SNAPC3: variants seen among roughly 807,000 people sequenced by gnomAD.
The protein encoded by SNAPC3 is small nuclear RNA activating complex polypeptide 3, also known as snRNA-activating protein complex subunit 3.
SNAPC3 carries 56 observed loss-of-function variants against 47.7 expected under a neutral mutation model. The observed-to-expected ratio is 1.18, with a 90% CI of 0.95 to 1.47. SNAPC3 has a LOEUF of 1.47. Ranked by LOEUF, SNAPC3 falls within the 40% of genes most tolerant of loss-of-function variation. The pLI is 0.00. For missense variants in SNAPC3, 665 were observed against 511.3 expected (o/e 1.30, Z -2.90); for synonymous variants, 235 against 189.9 (o/e 1.24, Z -1.95).
At chr9:15,457,896 G>C (rs1002951811) in intron 7 of SNAPC3, 64 bp from the exon 8 acceptor site, 1 of 881,508 alleles carries the variant, frequency 1.1e-6, no homozygotes, top group African/African-American at 1.8e-5. Context: ...ATATTTAATA[G>C]CTCATAAAAA....
chr9:15,432,209 G>A (rs2032249346), intron 2 of SNAPC3, among the ~76,000 whole-genome samples: 1 of 152,174 alleles, frequency 6.6e-6, no homozygotes, highest in Non-Finnish European at 1.5e-5. Flanking sequence ...AATGAATCCT[G>A]TGGTTTTAGT....
At chr9:15,431,741 C>T (rs911343870) in intron 2 of SNAPC3, among the ~76,000 whole-genome samples, 26 of 151,832 alleles carry the variant, frequency 1.7e-4, no homozygotes, top group African/African-American at 5.8e-4. Context: ...TGTAATCAGA[C>T]AATTAAAACC....
downstream of SNAPC3, chr9:15,464,647 T>C (rs991843217): frequency 5.0e-6 from 1 of 198,742 alleles, no homozygotes; most frequent in African/African-American, 2.3e-5. Flanking sequence ...TTTCTTCCAA[T>C]TAAGTTTTAG....
rs1303445712 is a variant in SNAPC3 at position 15,460,069 on chromosome 9, A to C, written c.*203A>C. On this transcript the variant is annotated 3_prime_UTR_variant, in exon 9 of 9. Transcript: ENST00000380821. ...CATAGTTTAATTTTATATTTATTCC[A>C]GATAGTATTTAATTTAGTGCTTTTT... The C allele has an allele frequency of 5.0e-6, 2 of 400,716 alleles. No individual in the cohort carries two copies. Among genetic ancestry groups the C allele is most frequent in the African/African-American group, 4.1e-5 (2 of 48,820 alleles). 24.8% of individuals were successfully genotyped at this position (400,716 alleles called of 1,614,324 possible). A position where few individuals can be genotyped will look rare whatever the true frequency, so the allele number is the denominator to read the frequency against.
chr9:15,447,731 G>A (rs537705811), intron 5 of SNAPC3, among the ~76,000 whole-genome samples: 1 of 152,234 alleles, frequency 6.6e-6, no homozygotes, highest in East Asian at 1.9e-4. Context: ...TGTCATGATT[G>A]TGCCCAGCAA....
Position 15,423,014 on chromosome 9 carries a change from C to T in SNAPC3, c.135C>T (p.Gly45=). Residue 45 remains glycine (G), a synonymous_variant, in exon 1 of 9, where the codon GGC becomes GGT. Coordinates refer to ENST00000380821, the MANE Select transcript of SNAPC3 (RefSeq NM_001039697.2). Reference sequence around the variant, plus strand: ...TAAATACGCGCGCTTTCCATGTGGGCGCCTTTGGGGAGCTGTGGCGGGGCC... The same window carrying T: ...TAAATACGCGCGCTTTCCATGTGGGTGCCTTTGGGGAGCTGTGGCGGGGCC... The part of the protein sequence containing the change: ...PELNTRAFHV[G]AFGELWRGRL... 6.5e-7 allele frequency: 1 copy of T among 1,544,192 alleles called. No individual in the cohort carries two copies.
At chr9:15,466,318 G>C (rs1319072988), downstream of SNAPC3, among the ~76,000 whole-genome samples, 1 of 152,236 alleles carries the variant, frequency 6.6e-6, no homozygotes, top group East Asian at 1.9e-4. Context: ...AGTGGAGGTT[G>C]CAGTGAGCAC....
chr9:15,431,040 T>C (rs1403288283), intron 2 of SNAPC3, among the ~76,000 whole-genome samples: 1 of 152,202 alleles, frequency 6.6e-6, no homozygotes, highest in Non-Finnish European at 1.5e-5. Flanking sequence ...GAGAGACTTC[T>C]CAGGAGTCTC....
intron 6 of SNAPC3, among the ~76,000 whole-genome samples, chr9:15,451,969 T>G (rs996849196): frequency 1.7e-4 from 8 of 47,982 alleles, no homozygotes; most frequent in Non-Finnish European, 6.6e-4. Flanking sequence ...GTTGCCCTTT[T>G]TAAAAAAAAA....
Position 15,457,976 on chromosome 9 carries a change from G to A in SNAPC3, c.997G>A (p.Asp333Asn). The change falls in exon 8 of 9, where the codon GAC becomes AAC. Residue 333 changes from aspartate to asparagine, a missense_variant. Asp to Asn is a conservative substitution (Grantham distance 23). Coordinates refer to ENST00000380821, the MANE Select transcript of SNAPC3 (RefSeq NM_001039697.2). ...ITDIRLVHHDDCLDRTLYPLL... is the reference protein window; with the variant it reads ...ITDIRLVHHDNCLDRTLYPLL... ...GAACAAAAGGCTTGTGCATCATGAT[G>A]ACTGCTTGGATAGGACATTGTATCC... 1 of 1,582,074 alleles carries A rather than the reference G, an allele frequency of 6.3e-7. No homozygotes were observed. Among genetic ancestry groups the A allele is most frequent in the Non-Finnish European group, 8.6e-7 (1 of 1,168,338 alleles).
At chr9:15,443,039 C>T (rs561440518) in intron 3 of SNAPC3, among the ~76,000 whole-genome samples, 72 of 152,288 alleles carry the variant, frequency 4.7e-4, no homozygotes, top group South Asian at 2.7e-3. Context: ...GGCGTGGCGG[C>T]GCGCACCCGC....
intron 1 of SNAPC3, 104 bp downstream of exon 1, chr9:15,423,297 G>C (rs975808632): frequency 8.3e-7 from 1 of 1,203,272 alleles, no homozygotes; most frequent in African/African-American, 1.6e-5. Context: ...CTGTGGTTTA[G>C]ACCTGGGCTA....
At chr9:15,437,513 G>A (rs1219792115) in intron 3 of SNAPC3, among the ~76,000 whole-genome samples, 1 of 152,018 alleles carries the variant, frequency 6.6e-6, no homozygotes, top group African/African-American at 2.4e-5. Flanking sequence ...GATTACAGGC[G>A]TGAGCCACCG....
At chr9:15,458,808 T>C (rs924698342) in intron 8 of SNAPC3, among the ~76,000 whole-genome samples, 2 of 149,776 alleles carry the variant, frequency 1.3e-5, no homozygotes, top group African/African-American at 4.9e-5. Context: ...TTAGTACAGG[T>C]TGAGCATTCC....
intron 3 of SNAPC3, among the ~76,000 whole-genome samples, chr9:15,443,542 A>C (rs371706219): frequency 6.6e-6 from 1 of 152,148 alleles, no homozygotes; most frequent in South Asian, 2.1e-4. Flanking sequence ...CTCTGCGGTC[A>C]ATCAGTGATC....
chr9:15,453,255 C>T lies in SNAPC3; in HGVS notation c.980+50C>T, dbSNP rs370068912. ...TTGTTACCTTTTTTTTTCTTTATTT[C>T]AGAGTACAAAACCAGAGATAGTTTT... is the stretch of plus-strand genomic sequence containing the variant. On this transcript the variant is annotated intron_variant, in intron 7 of 8. Transcript: ENST00000380821. 3.7e-5 allele frequency: 53 copies of T among 1,417,882 alleles called. No homozygotes were observed. The African/African-American group carries it at 7.5e-4, about 20-fold the overall frequency. 87.8% of individuals were successfully genotyped at this position (1,417,882 alleles called of 1,614,324 possible). A position where few individuals can be genotyped will look rare whatever the true frequency, so the allele number is the denominator to read the frequency against.
intron 2 of SNAPC3, among the ~76,000 whole-genome samples, chr9:15,424,813 G>A (rs2031139716): frequency 6.6e-6 from 1 of 152,044 alleles, no homozygotes; most frequent in Non-Finnish European, 1.5e-5. Flanking sequence ...TTGATCCTAC[G>A]CTATTATCCC....
intron 7 of SNAPC3, chr9:15,453,431 T>C: frequency 2.4e-6 from 1 of 418,098 alleles, no homozygotes; most frequent in Non-Finnish European, 4.2e-6. Flanking sequence ...AGAAATACTT[T>C]ACTATTAGAC....
chr9:15,449,502 C>T (rs1399823942), intron 5 of SNAPC3, among the ~76,000 whole-genome samples: 1 of 141,988 alleles, frequency 7.0e-6, no homozygotes, highest in Non-Finnish European at 1.5e-5. Context: ...TTACATATCT[C>T]CTGTTATATT....
Sources: allele counts gnomAD v4.1 joint callset (sites outside exome capture counted in the v4.1 genomes callset), GRCh38; gene constraint gnomAD v4.1.1; transcripts MANE v1.5; gene names NCBI Gene and HGNC (gene_info 2026-07-23, HGNC 2026-07-21).